GRAP2: variants seen among roughly 807,000 people sequenced by gnomAD.
GRAP2 encodes the protein GRB2 related adaptor protein 2.
A neutral mutation model predicts 43.5 loss-of-function variants in GRAP2; 31 were observed. That is an observed-to-expected ratio of 0.71 (90% CI 0.54 to 0.96). The LOEUF (loss-of-function observed/expected upper bound fraction) is 0.96. Ranked by LOEUF, GRAP2 falls within the 40% of genes least tolerant of loss-of-function variation. The pLI is 0.00. For synonymous variants in GRAP2, 156 were observed against 164.8 expected, an observed-to-expected ratio of 0.95 and a Z score of 0.41; for missense variants, 371 against 424.4, an observed-to-expected ratio of 0.87 and a Z score of 1.11.
chr22:39,962,526 A>G (rs990583076), intron 4 of GRAP2, among the ~76,000 whole-genome samples: 1 of 152,118 alleles, frequency 6.6e-6, no homozygotes, highest in Non-Finnish European at 1.5e-5. Context: ...AGTCAAATCT[A>G]TTTCTTAAGC....
intron 1 of GRAP2, among the ~76,000 whole-genome samples, chr22:39,939,582 AG>A (rs1164217207): frequency 7.4e-5 from 11 of 149,396 alleles, no homozygotes; most frequent in Admixed American, 2.7e-4. Flanking sequence ...AAAAAAAAAA[AG>A]AAATGGTCCT....
intron 1 of GRAP2, among the ~76,000 whole-genome samples, chr22:39,909,343 A>C (rs2066543171): frequency 6.6e-6 from 1 of 152,230 alleles, no homozygotes; most frequent in African/African-American, 2.4e-5. Context: ...TTTAGAGAGC[A>C]GACTTTTTCT....
chr22:39,895,396 G>C, the GRAP2 span, among the ~76,000 whole-genome samples: 4 of 152,104 alleles, frequency 2.6e-5, no homozygotes, highest in Non-Finnish European at 4.4e-5. Flanking sequence ...GGTGAGTTTG[G>C]AATATTATTT....
intron 1 of GRAP2, among the ~76,000 whole-genome samples, chr22:39,925,228 A>G (rs1199552112): frequency 1.3e-5 from 2 of 152,212 alleles, no homozygotes; most frequent in African/African-American, 4.8e-5. Flanking sequence ...CTCCAAATTA[A>G]TTGGACATGT....
chr22:39,917,983 A>G (rs1443928853), intron 1 of GRAP2, among the ~76,000 whole-genome samples: 1 of 152,044 alleles, frequency 6.6e-6, no homozygotes, highest in Non-Finnish European at 1.5e-5. Context: ...AAAATAATAC[A>G]TTTTCTGGCT....
At chr22:39,916,871 T>A (rs927136466) in intron 1 of GRAP2, among the ~76,000 whole-genome samples, 1 of 145,434 alleles carries the variant, frequency 6.9e-6, no homozygotes, top group African/African-American at 2.8e-5. Context: ...TGGCAGGTGA[T>A]TTTTTTTTTC....
At chr22:39,959,978 G>A in intron 3 of GRAP2, 77 bp from the exon 4 acceptor site, 1 of 1,394,748 alleles carries the variant, frequency 7.2e-7, no homozygotes, top group Non-Finnish European at 1.0e-6. Context: ...TTCCCTCTGG[G>A]TCACCTCTTC....
intron 1 of GRAP2, among the ~76,000 whole-genome samples, chr22:39,943,348 A>G (rs1283194073): frequency 6.6e-6 from 1 of 152,188 alleles, no homozygotes; most frequent in Non-Finnish European, 1.5e-5. Flanking sequence ...CTCACATGGA[A>G]AGGCAAGGGT....
At chr22:39,940,518 A>T (rs2145624011) in intron 1 of GRAP2, among the ~76,000 whole-genome samples, 1 of 152,158 alleles carries the variant, frequency 6.6e-6, no homozygotes, top group East Asian at 1.9e-4. Flanking sequence ...ATTTTCAAGA[A>T]GGGCCATCTG....
chr22:39,936,100 A>G (rs2066803950), intron 1 of GRAP2, among the ~76,000 whole-genome samples: 1 of 152,198 alleles, frequency 6.6e-6, no homozygotes, highest in Non-Finnish European at 1.5e-5. Flanking sequence ...TGATGTGAAT[A>G]GAAAATGAGA....
intron 1 of GRAP2, among the ~76,000 whole-genome samples, chr22:39,933,604 G>A (rs1181832472): frequency 6.6e-6 from 1 of 152,012 alleles, no homozygotes; most frequent in Non-Finnish European, 1.5e-5. Flanking sequence ...ACTTTCGGAG[G>A]CCAAGGCAGG....
chr22:39,950,197 C>T (rs1250517286), intron 2 of GRAP2, among the ~76,000 whole-genome samples: 1 of 152,210 alleles, frequency 6.6e-6, no homozygotes, highest in Non-Finnish European at 1.5e-5. Context: ...ATGGAAACCT[C>T]GCTGGTCCTC....
chr22:39,937,213 G>C (rs1257292673), intron 1 of GRAP2, among the ~76,000 whole-genome samples: 1 of 152,168 alleles, frequency 6.6e-6, no homozygotes, highest in African/African-American at 2.4e-5. Context: ...CTTATTCTTA[G>C]CTGGTTCACG....
At chr22:39,936,207 C>T (rs931028943) in intron 1 of GRAP2, among the ~76,000 whole-genome samples, 2 of 152,196 alleles carry the variant, frequency 1.3e-5, no homozygotes, top group Admixed American at 6.5e-5. Flanking sequence ...ACCCCCACCC[C>T]GCCCTCCACC....
At chr22:39,946,452 G>C (rs1169929938) in intron 1 of GRAP2, among the ~76,000 whole-genome samples, 1 of 152,148 alleles carries the variant, frequency 6.6e-6, no homozygotes, top group Non-Finnish European at 1.5e-5. Context: ...ATTCAAAAAT[G>C]TTAAAATCAA....
chr22:39,950,317 C>A (rs937685710), intron 2 of GRAP2, among the ~76,000 whole-genome samples: 11 of 152,232 alleles, frequency 7.2e-5, no homozygotes, highest in Admixed American at 2.0e-4. Context: ...CCTCACATGG[C>A]AGCTATTTAT....
intron 1 of GRAP2, among the ~76,000 whole-genome samples, chr22:39,916,304 G>A (rs2066602033): frequency 6.6e-6 from 1 of 152,214 alleles, no homozygotes; most frequent in African/African-American, 2.4e-5. Context: ...GATGGCAGAG[G>A]ATCAAGGAGA....
chr22:39,909,251 T>C (rs2066542566), intron 1 of GRAP2, among the ~76,000 whole-genome samples: 1 of 152,174 alleles, frequency 6.6e-6, no homozygotes, highest in Non-Finnish European at 1.5e-5. Context: ...ATCCAAATAA[T>C]CAAAGAAGGA....
rs1017535673 is a variant in GRAP2, at chr22:39,972,656, A to G, written c.*1572A>G. The G allele has an allele frequency of 3.9e-5, 6 of 152,368 alleles. No individual in the cohort carries two copies. Among genetic ancestry groups the G allele is most frequent in the African/African-American group, 1.2e-4 (5 of 41,596 alleles). The allele number at this position is 152,368 out of a possible 1,614,324, so 9.4% of individuals were successfully genotyped here. ...ATTTTCTGACTCAGAAGTGACTGCC[A>G]GTGTAGCACAAGCAGTGTCCCTTGT... On this transcript the variant is annotated 3_prime_UTR_variant, in exon 8 of 8. Transcript: ENST00000344138.
Sources: gnomAD v4.1 joint callset for allele counts (sites outside exome capture counted in the v4.1 genomes callset) on GRCh38, gnomAD v4.1.1 for gene constraint, MANE v1.5 for transcripts, NCBI Gene and HGNC (gene_info 2026-07-23, HGNC 2026-07-21) for gene names.